Variants in MYCBP2 observed in about 807,000 individuals in gnomAD.
The protein encoded by MYCBP2 is E3 ubiquitin-protein ligase MYCBP2.
A neutral mutation model predicts 525.3 loss-of-function variants in MYCBP2; 120 were observed. The ratio of observed to expected loss-of-function variants is 0.23; its 90% CI spans 0.20 to 0.27. MYCBP2 has a LOEUF of 0.27. Ranked by LOEUF, MYCBP2 falls within the 10% of genes least tolerant of loss-of-function variation. MYCBP2 has a pLI of 1.00. For synonymous variants in MYCBP2, 1,894 were observed against 1,955.8 expected (o/e 0.97, Z 0.83); for missense variants, 4,149 against 5,657.1 (o/e 0.73, Z 8.55).
At chr13:77,083,260 T>C in intron 62 of MYCBP2, 68 bp from the exon 63 acceptor site, 2 of 1,342,644 alleles carry the variant, frequency 1.5e-6, no homozygotes, top group South Asian at 3.6e-5. Context: ...CAAAAGACTA[T>C]TATGTATACT....
rs1166065796 is a variant in MYCBP2, at chr13:77,058,203, A to G, written c.13329+15T>C. 1 of 1,611,160 alleles carries G rather than the reference A, an allele frequency of 6.2e-7. No homozygotes were observed. On this transcript the variant is annotated intron_variant, in intron 78 of 82. Transcript: ENST00000544440. This position sits in a 1 kb window ranked among gnomAD's most constrained non-coding sequence, Gnocchi z 4.1. ...AATGTCTGGATACATTCAATACTTT[A>G]AAAGCTGAGGCAACCTGAATGGCTG...
At chr13:77,102,716 G>C (rs2154134914) in intron 55 of MYCBP2, among the ~76,000 whole-genome samples, 1 of 151,640 alleles carries the variant, frequency 6.6e-6, no homozygotes, top group South Asian at 2.1e-4. Context: ...AATATAAATA[G>C]ACACATGAGT....
chr13:77,126,374 T>C lies in MYCBP2; in HGVS notation c.7828A>G (p.Arg2610Gly). The C allele has an allele frequency of 6.2e-7, 1 of 1,613,982 alleles. No individual in the cohort carries two copies. Among genetic ancestry groups the C allele is most frequent in the South Asian group, 1.1e-5 (1 of 91,076 alleles). The change falls in exon 53 of 83, where the codon AGA (arginine) becomes GGA (glycine). Residue 2610 changes from arginine (R) to glycine (G), a missense_variant. Arg to Gly is a moderately radical substitution (Grantham distance 125, BLOSUM62 -2). Coordinates refer to ENST00000544440, the MANE Select transcript of MYCBP2 (RefSeq NM_015057.5). Reference protein sequence around the residue: ...GHNIRSCPNLRGIPIGMLVLG... With the variant: ...GHNIRSCPNLGGIPIGMLVLG... ...ACTAACATTCCAATTGGGATACCTC[T>C]AAGGTTAGGGCAGCTTCTGATGTTG...
At position 77,082,008 on chromosome 13, in the gene MYCBP2, T is replaced by C. The variant is rs2043376645; in HGVS notation, c.11037-15A>G. 2 of 1,609,994 alleles carry C rather than the reference T, an allele frequency of 1.2e-6. No homozygotes were observed. Among genetic ancestry groups the C allele is most frequent in the East Asian group, 4.5e-5 (2 of 44,788 alleles). Reference sequence around the variant, plus strand: ...GACTCCAGCACCTAAAAAGGCGATATATAAGCAATATACGAAATAATTATT... The same window carrying C: ...GACTCCAGCACCTAAAAAGGCGATACATAAGCAATATACGAAATAATTATT... On this transcript the variant is annotated splice_polypyrimidine_tract_variant and intron_variant, in intron 63 of 82. Transcript: ENST00000544440.
At chr13:77,264,489 C>T (rs748331939) in intron 8 of MYCBP2, among the ~76,000 whole-genome samples, 40 of 152,128 alleles carry the variant, frequency 2.6e-4, no homozygotes, top group Non-Finnish European at 4.7e-4. Context: ...ACCAGTTGTA[C>T]ATTTCCCACT....
chr13:77,207,178 T>G (rs1056001729), intron 23 of MYCBP2, among the ~76,000 whole-genome samples: 6 of 152,148 alleles, frequency 3.9e-5, no homozygotes, highest in Non-Finnish European at 5.9e-5. Context: ...AAATGTGAAG[T>G]GTACCTGTGA....
chr13:77,093,324 T>A lies in MYCBP2; in HGVS notation c.10208A>T (p.His3403Leu). ...LYLQTLARHH[H>L]ENFVGYQDDN... ...ATCTTGATAGCCCACAAAATTTTCA[T>A]GATGATGCCTGCATTAAATCAAACC... The change falls in exon 59 of 83, where the codon CAT becomes CTT. Residue 3403 changes from histidine to leucine, a missense_variant. Coordinates refer to ENST00000544440, the MANE Select transcript of MYCBP2 (RefSeq NM_015057.5). 1 of 1,612,970 alleles carries A rather than the reference T, an allele frequency of 6.2e-7. No homozygotes were observed. The highest frequency in any genetic ancestry group is 8.5e-7 in the Non-Finnish European group (1 of 1,179,338).
chr13:77,085,406 C>T (rs1387256937), intron 62 of MYCBP2, among the ~76,000 whole-genome samples: 1 of 152,090 alleles, frequency 6.6e-6, no homozygotes, highest in Admixed American at 6.6e-5. Flanking sequence ...AGAATGTAAA[C>T]AACTATATGC....
intron 1 of MYCBP2, among the ~76,000 whole-genome samples, chr13:77,319,413 CA>C (rs756300148): frequency 6.6e-5 from 10 of 152,204 alleles, no homozygotes; most frequent in Non-Finnish European, 1.5e-4. Flanking sequence ...CTGACCTTAG[CA>C]TAGCTGAGAG....
At chr13:77,124,001 A>G (rs373040412) in intron 54 of MYCBP2, among the ~76,000 whole-genome samples, 22 of 152,318 alleles carry the variant, frequency 1.4e-4, no homozygotes, top group Admixed American at 5.9e-4. Context: ...GAACAGTTCT[A>G]CTGTTTCAGG....
At chr13:77,184,330 A>C (rs745811015) in intron 32 of MYCBP2, among the ~76,000 whole-genome samples, 1 of 152,210 alleles carries the variant, frequency 6.6e-6, no homozygotes. Context: ...CTGTAATTCT[A>C]CTGTGGTCTG....
intron 10 of MYCBP2, among the ~76,000 whole-genome samples, chr13:77,263,314 T>C (rs1281187723): frequency 2.0e-5 from 3 of 152,004 alleles, no homozygotes; most frequent in African/African-American, 2.4e-5. Context: ...AATTTTTAAA[T>C]AGTTGAAAAA....
chr13:77,325,979 T>G (rs1442091474), intron 1 of MYCBP2, among the ~76,000 whole-genome samples: 3 of 152,182 alleles, frequency 2.0e-5, no homozygotes, highest in Non-Finnish European at 4.4e-5. Context: ...GAAAGGCAGA[T>G]TGAAGGGAGG....
At chr13:77,117,876 T>C (rs1594696567) in intron 55 of MYCBP2, among the ~76,000 whole-genome samples, 1 of 152,094 alleles carries the variant, frequency 6.6e-6, no homozygotes, top group South Asian at 2.1e-4. Context: ...ATGATCAATT[T>C]AACATATTAG....
Position 77,058,500 on chromosome 13 carries a change from C to A in MYCBP2, c.13141-94G>T. Reference sequence around the variant, plus strand: ...TATATAAATTTCCAAAGATTACTTTCCCACAGGAAGTATCTATGCAGGCCA... The same window carrying A: ...TATATAAATTTCCAAAGATTACTTTACCACAGGAAGTATCTATGCAGGCCA... On this transcript the variant is annotated intron_variant, in intron 77 of 82. Transcript: ENST00000544440. The surrounding 1 kb of genome is among the most constrained non-coding windows in gnomAD (Gnocchi z 4.1). 8.9e-7 allele frequency: 1 copy of A among 1,128,742 alleles called. No individual in the cohort carries two copies. Among genetic ancestry groups the A allele is most frequent in the South Asian group, 1.8e-5 (1 of 54,570 alleles). The allele number at this position is 1,128,742 out of a possible 1,614,324, so 69.9% of individuals were successfully genotyped here. A position where few individuals can be genotyped will look rare whatever the true frequency, so the allele number is the denominator to read the frequency against.
Position 77,098,061 on chromosome 13 carries a change from G to A in MYCBP2, c.9093C>T (p.Ala3031=). The part of the protein sequence containing the change: ...QAMSPSVAEC[A]RAVFASFLWH... ...AGAGGAAGGAAGCAAACACAGCTCT[G>A]GCACATTCGGCCACAGAAGGAGACA... Residue 3031 remains alanine, a synonymous_variant, in exon 56 of 83, where the codon GCC becomes GCT. Transcript: ENST00000544440. The A allele has an allele frequency of 5.0e-6, 8 of 1,613,548 alleles. No homozygotes were observed. The highest frequency in any genetic ancestry group is 6.8e-6 in the Non-Finnish European group (8 of 1,179,756).
At chr13:77,252,250 C>T (rs1050324201) in intron 14 of MYCBP2, among the ~76,000 whole-genome samples, 3 of 152,140 alleles carry the variant, frequency 2.0e-5, no homozygotes, top group African/African-American at 7.2e-5. Flanking sequence ...CTCTGTGGCC[C>T]ATACAAATCT....
chr13:77,137,265 G>A (rs903611828), intron 52 of MYCBP2, among the ~76,000 whole-genome samples: 4 of 152,190 alleles, frequency 2.6e-5, no homozygotes, highest in African/African-American at 7.2e-5. Context: ...TCAGAATTGT[G>A]ACAGATGGTA....
At chr13:77,099,097 AC>A (rs760508260) in intron 55 of MYCBP2, 84 bp from the exon 56 acceptor site, 6 of 1,515,542 alleles carry the variant, frequency 4.0e-6, no homozygotes, top group African/African-American at 2.8e-5. Context: ...AAATAAAAAA[AC>A]ATAGCTACAA....
Sources: gnomAD v4.1 joint callset for allele counts (sites outside exome capture counted in the v4.1 genomes callset) on GRCh38, gnomAD v4.1.1 for gene constraint, Gnocchi (gnomAD v3.1) non-coding constraint, MANE v1.5 for transcripts, NCBI Gene and HGNC (gene_info 2026-07-23, HGNC 2026-07-21) for gene names.